Variants in FOXK2 observed in about 807,000 individuals in gnomAD.
The protein encoded by FOXK2 is forkhead box protein K2.
A neutral mutation model predicts 53.3 loss-of-function variants in FOXK2; 24 were observed. The observed-to-expected ratio is 0.45, with a 90% confidence interval of 0.33 to 0.63. FOXK2 has a LOEUF of 0.63. Among genes scored for constraint, FOXK2 ranks in the 30% least tolerant of loss-of-function variants. The pLI, the probability that FOXK2 is intolerant of heterozygous loss-of-function variation, is 0.03. For missense variants in FOXK2, 952 were observed against 910.5 expected (o/e 1.05, Z -0.59); for synonymous variants, 505 against 407.1 (o/e 1.24, Z -2.89).
chr17:82,573,562 T>TCTCACACACACA (rs1185597025), intron 4 of FOXK2, among the ~76,000 whole-genome samples: 117 of 83,364 alleles, frequency 1.4e-3, no homozygotes, highest in South Asian at 2.9e-3. Context: ...TCTCTCTCTC[T>TCTCACACACACA]CACACACACA....
chr17:82,573,905 A>G (rs896133526), intron 4 of FOXK2, among the ~76,000 whole-genome samples: 2 of 152,248 alleles, frequency 1.3e-5, no homozygotes, highest in Admixed American at 1.3e-4. Flanking sequence ...GGGTGGCTGG[A>G]TAAAGGCCTG....
At position 82,603,994 on chromosome 17, in the gene FOXK2, C is replaced by A. The variant is rs545234887; in HGVS notation, c.*2495C>A. The A allele has an allele frequency of 1.3e-5, 2 of 152,248 alleles. No individual in the cohort carries two copies. Among genetic ancestry groups the A allele is most frequent in the Non-Finnish European group, 2.9e-5 (2 of 68,064 alleles). 9.4% of individuals were successfully genotyped at this position (152,248 alleles called of 1,614,324 possible). On this transcript the variant is annotated 3_prime_UTR_variant, in exon 9 of 9. Transcript: ENST00000335255. ...AGCTCTGAATCCCCAAGAACTTGAG[C>A]ACAGCAAGGGTTGCTGAGCTGCTGT... is the stretch of plus-strand genomic sequence containing the variant.
rs774554828 is a variant in FOXK2 at position 82,584,199 on chromosome 17, G to A, written c.1279+11G>A. The A allele has an allele frequency of 1.3e-5, 20 of 1,579,818 alleles. No individual in the cohort carries two copies. Among genetic ancestry groups the A allele is most frequent in the South Asian group, 2.3e-5 (2 of 88,600 alleles). On this transcript the variant is annotated intron_variant, in intron 6 of 8. Transcript: ENST00000335255. The stretch of plus-strand genomic sequence containing the variant: ...CCCAGAGCGCCCCAGGTGAGACAGC[G>A]GGAGAGGAAGCGAGGGCCCCAACAG...
intron 1 of FOXK2, among the ~76,000 whole-genome samples, chr17:82,534,025 C>T (rs753258112): frequency 7.3e-5 from 11 of 150,096 alleles, no homozygotes; most frequent in Non-Finnish European, 1.3e-4. Flanking sequence ...ATAAGATAGC[C>T]GGGCATGGTG....
intron 5 of FOXK2, among the ~76,000 whole-genome samples, chr17:82,583,658 A>C (rs200280139): frequency 9.5e-3 from 134 of 14,086 alleles, no homozygotes; most frequent in African/African-American, 0.046. Context: ...TGTTTTTAAC[A>C]AAAAAAAAAA....
At chr17:82,598,586 TG>T (rs1567991050) in intron 8 of FOXK2, among the ~76,000 whole-genome samples, 1 of 152,242 alleles carries the variant, frequency 6.6e-6, no homozygotes, top group African/African-American at 2.4e-5. Flanking sequence ...CACGTGGTGA[TG>T]GGGTGAAGGC....
chr17:82,583,320 G>A (rs568698334), intron 5 of FOXK2, among the ~76,000 whole-genome samples: 2 of 152,296 alleles, frequency 1.3e-5, no homozygotes, highest in African/African-American at 2.4e-5. Flanking sequence ...CGAGGCGGGC[G>A]GATCACCTGA....
intron 1 of FOXK2, among the ~76,000 whole-genome samples, chr17:82,548,369 T>C (rs1309078417): frequency 6.6e-6 from 1 of 152,210 alleles, no homozygotes; most frequent in Non-Finnish European, 1.5e-5. Context: ...TTTTTAATAC[T>C]TTGGATCATT....
chr17:82,539,891 G>A (rs1463368759), intron 1 of FOXK2, among the ~76,000 whole-genome samples: 1 of 151,738 alleles, frequency 6.6e-6, no homozygotes, highest in Non-Finnish European at 1.5e-5. Context: ...TCTTAAACCT[G>A]GGAGGTGGAG....
chr17:82,545,872 G>A (rs1599887978), intron 1 of FOXK2, among the ~76,000 whole-genome samples: 1 of 151,972 alleles, frequency 6.6e-6, no homozygotes, highest in East Asian at 1.9e-4. Flanking sequence ...GTGAGCCACC[G>A]CGCTTGGCCG....
chr17:82,562,618 A>C (rs758410703), intron 1 of FOXK2, among the ~76,000 whole-genome samples: 2 of 152,130 alleles, frequency 1.3e-5, no homozygotes, highest in African/African-American at 2.4e-5. Context: ...TTCTTAAATA[A>C]GAAAACTACC....
chr17:82,552,056 C>G (rs1011185364), intron 1 of FOXK2, among the ~76,000 whole-genome samples: 1 of 152,074 alleles, frequency 6.6e-6, no homozygotes, highest in African/African-American at 2.4e-5. Flanking sequence ...TAAAATTATT[C>G]AAAAAATGAA....
At chr17:82,580,012 A>T (rs1265856549) in intron 4 of FOXK2, among the ~76,000 whole-genome samples, 4 of 69,750 alleles carry the variant, frequency 5.7e-5, no homozygotes, top group South Asian at 5.4e-4. Context: ...GGCCTAGCCC[A>T]CCTCTCCATG....
Position 82,586,147 on chromosome 17 carries a change from T to TC in FOXK2, c.1523_1524insC (p.Ala509GlyfsTer4). ...GCTGTGGTCACCCCGGCAGCCGTGC[T>TC]GGCCCCTCCTAAGGCAGAGGCCCAG... On this transcript the variant is annotated frameshift_variant, in exon 7 of 9. Coordinates refer to ENST00000335255, the MANE Select transcript of FOXK2 (RefSeq NM_004514.4). LOFTEE classifies it high-confidence loss of function. 6.2e-7 allele frequency: 1 copy of TC among 1,612,354 alleles called. No homozygotes were observed. The highest frequency in any genetic ancestry group is 2.2e-5 in the East Asian group (1 of 44,878).
At chr17:82,538,665 G>A (rs902777111) in intron 1 of FOXK2, among the ~76,000 whole-genome samples, 9 of 152,132 alleles carry the variant, frequency 5.9e-5, no homozygotes, top group Admixed American at 4.6e-4. Context: ...GCTCTGCACC[G>A]TGTTTTATAG....
chr17:82,562,356 G>A (rs1293113936), intron 1 of FOXK2, among the ~76,000 whole-genome samples: 1 of 152,172 alleles, frequency 6.6e-6, no homozygotes, highest in African/African-American at 2.4e-5. Context: ...CGAGGTGGGC[G>A]GATCACGTGA....
intron 5 of FOXK2, among the ~76,000 whole-genome samples, chr17:82,583,645 T>C (rs2045093442): frequency 9.7e-6 from 1 of 103,620 alleles, no homozygotes; most frequent in African/African-American, 4.0e-5. Flanking sequence ...GCTTCACTAA[T>C]ACTGTTTTTA....
Position 82,522,084 on chromosome 17 carries a change from A to G in FOXK2, c.419+1777A>G, listed in dbSNP as rs145168898. Among the ~76,000 whole-genome samples, 12 of 145,910 alleles carry G rather than the reference A, an allele frequency of 8.2e-5. No homozygotes were observed. In the East Asian group the frequency reaches 2.2e-3, roughly 26 times the overall value. ...TTTTTTTACAAAATACTGTGTCACAACAAAGGAAGTTTGCGTCTACTGTGA... is the reference window on the plus strand; with the variant it reads ...TTTTTTTACAAAATACTGTGTCACAGCAAAGGAAGTTTGCGTCTACTGTGA... On this transcript the variant is annotated intron_variant, in intron 1 of 8. Transcript: ENST00000335255.
chr17:82,558,357 A>G (rs2044755045), intron 1 of FOXK2, among the ~76,000 whole-genome samples: 1 of 152,050 alleles, frequency 6.6e-6, no homozygotes, highest in African/African-American at 2.4e-5. Context: ...AGGAAACAGA[A>G]CCGATGCAAG....
Sources: gnomAD v4.1 joint callset for allele counts (sites outside exome capture counted in the v4.1 genomes callset) on GRCh38, gnomAD v4.1.1 for gene constraint, MANE v1.5 for transcripts, NCBI Gene and HGNC (gene_info 2026-07-23, HGNC 2026-07-21) for gene names.